The following TLK1 variants were observed in gnomAD, a reference collection of about 807,000 sequenced individuals.
TLK1 encodes tousled like kinase 1.
A neutral mutation model predicts 105.3 loss-of-function variants in TLK1; 24 were observed. The observed-to-expected ratio is 0.23, with a 90% CI of 0.17 to 0.32. TLK1 has a LOEUF of 0.32. Among genes scored for constraint, TLK1 ranks in the 10% least tolerant of loss-of-function variants. The probability of loss-of-function intolerance (pLI) is 1.00; values close to 1 mark genes in which losing one functional copy is unlikely to be tolerated. For missense variants in TLK1, 558 were observed against 910.5 expected (o/e 0.61, Z 4.98); for synonymous variants, 321 against 310.4 (o/e 1.03, Z -0.36).
intron 1 of TLK1, among the ~76,000 whole-genome samples, chr2:171,150,641 A>G (rs1691995130): frequency 6.6e-6 from 1 of 152,226 alleles, no homozygotes; most frequent in African/African-American, 2.4e-5. Context: ...CTGTCTTTCA[A>G]GTGTGGTTGC....
intron 4 of TLK1, among the ~76,000 whole-genome samples, chr2:171,060,792 T>A (rs966067356): frequency 6.6e-6 from 1 of 152,106 alleles, no homozygotes; most frequent in African/African-American, 2.4e-5. Flanking sequence ...AAGTTTTTAA[T>A]TCAAAAACAA....
At chr2:171,142,733 G>A (rs757953184) in intron 1 of TLK1, among the ~76,000 whole-genome samples, 1 of 152,172 alleles carries the variant, frequency 6.6e-6, no homozygotes, top group Non-Finnish European at 1.5e-5. Flanking sequence ...GTAAAAATCT[G>A]AAACAGAAAC....
At chr2:171,006,721 T>C in intron 16 of TLK1, 78 bp from the exon 17 acceptor site, 1 of 1,594,230 alleles carries the variant, frequency 6.3e-7, no homozygotes, top group Non-Finnish European at 8.6e-7. Context: ...ATGGAGAGTA[T>C]TTATATCATC....
chr2:171,034,184 G>A (rs1220960405), intron 11 of TLK1, among the ~76,000 whole-genome samples: 1 of 152,166 alleles, frequency 6.6e-6, no homozygotes, highest in Non-Finnish European at 1.5e-5. Flanking sequence ...GTAAAACGGT[G>A]CAGAATGGAA....
chr2:171,024,246 ATTAT>A (rs1379750987), intron 12 of TLK1, among the ~76,000 whole-genome samples: 6 of 152,276 alleles, frequency 3.9e-5, no homozygotes, highest in East Asian at 3.9e-4. Flanking sequence ...ATATTTTAAA[ATTAT>A]TTGAGTTTTT....
At position 171,000,780 on chromosome 2, in the gene TLK1, T is replaced by C. The variant is rs545726581; in HGVS notation, c.1905-2957A>G. The stretch of plus-strand genomic sequence containing the variant: ...CTTGCTTTAGTTTCAGTGCCTGTAT[T>C]ATAGAAGGGTCCATGTCATAAAAGT... On this transcript the variant is annotated intron_variant, in intron 18 of 20. Transcript: ENST00000431350. Among the ~76,000 whole-genome samples the C allele has an allele frequency of 1.1e-4, 16 of 152,284 alleles. No individual in the cohort carries two copies. In the South Asian group the frequency reaches 3.3e-3, roughly 32 times the overall value.
At chr2:171,019,433 TA>T (rs1016883169) in intron 12 of TLK1, among the ~76,000 whole-genome samples, 2 of 152,192 alleles carry the variant, frequency 1.3e-5, no homozygotes, top group African/African-American at 4.8e-5. Flanking sequence ...AGGCAATTAT[TA>T]AAAGGTGAAA....
At position 171,127,981 on chromosome 2, in the gene TLK1, A is replaced by C. The variant is rs573428453; in HGVS notation, c.140-10124T>G. On this transcript the variant is annotated intron_variant, in intron 1 of 20. Transcript: ENST00000431350. The stretch of plus-strand genomic sequence containing the variant: ...GTAAGTATAGAAAGTCAGGTCCCTG[A>C]ATCTAGGTATACATGTTCAATTATA... 1.4e-4 allele frequency among the ~76,000 whole-genome samples: 21 copies of C among 152,296 alleles called. No individual in the cohort carries two copies. The South Asian group carries it at 2.1e-3, about 15-fold the overall frequency.
intron 3 of TLK1, among the ~76,000 whole-genome samples, chr2:171,071,056 C>T (rs1172771403): frequency 6.6e-6 from 1 of 152,072 alleles, no homozygotes; most frequent in Non-Finnish European, 1.5e-5. Context: ...AAGTTGTTTG[C>T]CATTTGTATG....
intron 2 of TLK1, 125 bp downstream of exon 2, chr2:171,117,614 C>G (rs752958991): frequency 1.4e-4 from 101 of 725,700 alleles, no homozygotes; most frequent in Non-Finnish European, 2.1e-4. Context: ...GAACACTGAT[C>G]TTATTCTACA....
chr2:171,138,618 G>A (rs1218704234), intron 1 of TLK1, among the ~76,000 whole-genome samples: 1 of 152,086 alleles, frequency 6.6e-6, no homozygotes, highest in Non-Finnish European at 1.5e-5. Flanking sequence ...TAATGAGCAG[G>A]AGTAACAAGT....
intron 3 of TLK1, among the ~76,000 whole-genome samples, chr2:171,078,120 T>C (rs966877024): frequency 2.0e-5 from 3 of 152,238 alleles, no homozygotes; most frequent in Admixed American, 2.0e-4. Context: ...GTTATCTTCC[T>C]TCTGTGATGC....
chr2:171,033,813 A>G (rs1686172106), intron 11 of TLK1, among the ~76,000 whole-genome samples: 1 of 151,296 alleles, frequency 6.6e-6, no homozygotes, highest in Admixed American at 6.6e-5. Context: ...GATATTATCA[A>G]AAAAGTAAAA....
intron 1 of TLK1, among the ~76,000 whole-genome samples, chr2:171,151,163 G>A (rs543472311): frequency 3.8e-4 from 58 of 151,972 alleles, no homozygotes; most frequent in Admixed American, 2.8e-3. Context: ...AACTACAGGC[G>A]TGCACCACAA....
At chr2:171,122,476 T>C (rs1220356655) in intron 1 of TLK1, among the ~76,000 whole-genome samples, 1 of 152,164 alleles carries the variant, frequency 6.6e-6, no homozygotes, top group Non-Finnish European at 1.5e-5. Flanking sequence ...AGAATCTGCA[T>C]CTTAACAAGA....
chr2:171,151,629 C>T (rs1575632882), intron 1 of TLK1, among the ~76,000 whole-genome samples: 3 of 151,876 alleles, frequency 2.0e-5, no homozygotes, highest in South Asian at 4.2e-4. Flanking sequence ...CGCCCACCAC[C>T]ACGCCCAGCT....
chr2:171,219,451 T>C (rs1248748686), intron 1 of TLK1, among the ~76,000 whole-genome samples: 1 of 152,180 alleles, frequency 6.6e-6, no homozygotes, highest in African/African-American at 2.4e-5. Flanking sequence ...AGAAATGTAT[T>C]TCTCATAGTT....
intron 2 of TLK1, among the ~76,000 whole-genome samples, chr2:171,087,959 A>G (rs1358260513): frequency 1.3e-5 from 2 of 152,232 alleles, no homozygotes; most frequent in East Asian, 3.8e-4. Flanking sequence ...CTCCACAGGT[A>G]TGAGATGATA....
intron 10 of TLK1, among the ~76,000 whole-genome samples, chr2:171,047,039 G>A (rs952660063): frequency 4.6e-5 from 7 of 151,998 alleles, no homozygotes; most frequent in Non-Finnish European, 1.0e-4. Flanking sequence ...GATAATTTAA[G>A]GGGAAAAAGA....
Sources: allele counts gnomAD v4.1 joint callset (sites outside exome capture counted in the v4.1 genomes callset), GRCh38; gene constraint gnomAD v4.1.1; transcripts MANE v1.5; gene names NCBI Gene and HGNC (gene_info 2026-07-23, HGNC 2026-07-21).